Variants in FAM13B observed in about 807,000 individuals in gnomAD.
FAM13B encodes protein FAM13B.
A neutral mutation model predicts 117.3 loss-of-function variants in FAM13B; 60 were observed. That is an observed-to-expected ratio of 0.51 (90% CI 0.42 to 0.63). The LOEUF (loss-of-function observed/expected upper bound fraction) is 0.63. Ranked by LOEUF, FAM13B falls within the 30% of genes least tolerant of loss-of-function variation. The probability of loss-of-function intolerance (pLI) is 0.00; values close to 1 mark genes in which losing one functional copy is unlikely to be tolerated. For synonymous variants in FAM13B, 332 were observed against 356.1 expected (o/e 0.93, Z 0.76); for missense variants, 972 against 1,091.9 (o/e 0.89, Z 1.55).
intron 22 of FAM13B, chr5:137,942,563 A>G: frequency 3.4e-6 from 1 of 298,012 alleles, no homozygotes; most frequent in South Asian, 4.8e-5. Flanking sequence ...GGGTCCCACT[A>G]TATTGCCCAG....
At chr5:138,019,541 T>C (rs1000008103) in intron 2 of FAM13B, among the ~76,000 whole-genome samples, 1 of 152,218 alleles carries the variant, frequency 6.6e-6, no homozygotes, top group Admixed American at 6.5e-5. Flanking sequence ...AAAGCTCATC[T>C]AACCCCTCAA....
In FAM13B at chr5:137,959,818, G is replaced by A. The variant is rs76138262; in HGVS notation, c.1294-55C>T. The stretch of plus-strand genomic sequence containing the variant: ...CAACTACGGAAGCTTTTCACACCCA[G>A]CTTAAACACATCCAGCACATATCCA... On this transcript the variant is annotated intron_variant, in intron 12 of 23. Coordinates refer to ENST00000689681, the MANE Select transcript of FAM13B (RefSeq NM_001385994.1). The A allele has an allele frequency of 7.7e-3, 11,894 of 1,547,044 alleles. 65 individuals carry two copies. Among genetic ancestry groups the A allele is most frequent in the Non-Finnish European group, 9.3e-3 (10,497 of 1,128,678 alleles).
Position 138,033,075 on chromosome 5 carries a change from C to T in FAM13B, c.-496G>A, listed in dbSNP as rs1385211486. On this transcript the variant is annotated 5_prime_UTR_variant, in exon 1 of 24. Coordinates refer to ENST00000689681, the MANE Select transcript of FAM13B (RefSeq NM_001385994.1). ...TCCCTAACGGCGAGCGGGAGGAGAG[C>T]GGCTGGCGGGCGGAGGCCGGGCCGG... 3 of 971,818 alleles carry T rather than the reference C, an allele frequency of 3.1e-6. No individual in the cohort carries two copies. Among genetic ancestry groups the T allele is most frequent in the Non-Finnish European group, 3.6e-6 (3 of 826,228 alleles). 60.2% of individuals were successfully genotyped at this position (971,818 alleles called of 1,614,324 possible).
intron 10 of FAM13B, among the ~76,000 whole-genome samples, chr5:137,966,496 GA>G (rs1769959602): frequency 8.0e-6 from 1 of 124,688 alleles, no homozygotes; most frequent in Non-Finnish European, 1.7e-5. Context: ...TATAGAGAGA[GA>G]GAGAGAGAGA....
At chr5:137,981,390 G>T (rs896269336) in intron 10 of FAM13B, among the ~76,000 whole-genome samples, 2 of 152,072 alleles carry the variant, frequency 1.3e-5, no homozygotes, top group Non-Finnish European at 1.5e-5. Flanking sequence ...TGAGGTTACA[G>T]TGAGTATGAT....
intron 1 of FAM13B, chr5:138,039,184 A>G (rs1368910110): frequency 6.6e-6 from 1 of 152,226 alleles, no homozygotes; most frequent in Non-Finnish European, 1.5e-5. Context: ...TTTTTCCACA[A>G]TCAGAACTTT....
chr5:138,007,866 A>T (rs879832301), intron 6 of FAM13B, among the ~76,000 whole-genome samples: 1 of 152,246 alleles, frequency 6.6e-6, no homozygotes, highest in Non-Finnish European at 1.5e-5. Context: ...GTTATCCCAA[A>T]GAAGAAACTA....
chr5:138,006,993 G>A lies in FAM13B; in HGVS notation c.845C>T (p.Thr282Ile). The change falls in exon 7 of 24, where the codon ACA (threonine) becomes ATA (isoleucine). Residue 282 changes from threonine (T) to isoleucine (I), a missense_variant. By Grantham distance (89) the Thr-to-Ile change is moderately conservative. Coordinates refer to ENST00000689681, the MANE Select transcript of FAM13B (RefSeq NM_001385994.1). Reference protein sequence around the residue: ...NILESNSVTATSTHISPISIL... With the variant: ...NILESNSVTAISTHISPISIL... ...GTTCATTCAACTGAGCTATTACCTTGTTGCCGTAACACTATTTGATTCCAG... is the reference window on the plus strand; with the variant it reads ...GTTCATTCAACTGAGCTATTACCTTATTGCCGTAACACTATTTGATTCCAG... 1 of 1,601,916 alleles carries A rather than the reference G, an allele frequency of 6.2e-7. No individual in the cohort carries two copies. Among genetic ancestry groups the A allele is most frequent in the Non-Finnish European group, 8.5e-7 (1 of 1,176,718 alleles).
upstream of FAM13B, chr5:138,033,089 A>T: frequency 2.1e-6 from 2 of 940,834 alleles, no homozygotes; most frequent in Non-Finnish European, 2.5e-6. Flanking sequence ...TGGCGGGCGG[A>T]GGCCGGGCCG....
At chr5:138,034,995 C>CTTTTTTTTTTTTTTT, upstream of FAM13B, among the ~76,000 whole-genome samples, 366 of 34,376 alleles carry the variant, frequency 0.011, 137 homozygotes, top group East Asian at 0.049. Flanking sequence ...ATTCCCTTGC[C>CTTTTTTTTTTTTTTT]TTTTTTTTTT....
chr5:137,943,744 C>T (rs942424381), intron 20 of FAM13B, among the ~76,000 whole-genome samples: 4 of 148,852 alleles, frequency 2.7e-5, no homozygotes, highest in Admixed American at 1.3e-4. Flanking sequence ...GACTCTGCCT[C>T]AAAAAAAAAA....
intron 1 of FAM13B, among the ~76,000 whole-genome samples, chr5:138,046,093 T>G (rs1352778204): frequency 6.6e-6 from 1 of 152,200 alleles, no homozygotes; most frequent in African/African-American, 2.4e-5. Context: ...GTTCTCGTGA[T>G]AGTGAATAAG....
At chr5:137,997,132 T>C (rs1220946875) in intron 7 of FAM13B, among the ~76,000 whole-genome samples, 1 of 152,218 alleles carries the variant, frequency 6.6e-6, no homozygotes. Context: ...CTCTTCACAT[T>C]TTTTAAAGGT....
chr5:137,953,207 A>T, intron 16 of FAM13B, 129 bp downstream of exon 16: 1 of 984,386 alleles, frequency 1.0e-6, no homozygotes, highest in Non-Finnish European at 1.5e-6. Flanking sequence ...GATCTACATG[A>T]TCACTGTTCC....
At chr5:137,949,310 C>G (rs1764284628) in intron 17 of FAM13B, 126 bp from the exon 18 acceptor site, 1 of 725,702 alleles carries the variant, frequency 1.4e-6, no homozygotes, top group South Asian at 1.7e-5. Context: ...ATTTCAAAGC[C>G]AAATAAAACA....
chr5:137,942,218 T>C (rs1439663154), intron 22 of FAM13B, among the ~76,000 whole-genome samples, 173 bp from the exon 23 acceptor site: 1 of 152,236 alleles, frequency 6.6e-6, no homozygotes, highest in Middle Eastern at 3.2e-3. Context: ...CAAGCATCAG[T>C]ACTTTAAAAT....
intron 2 of FAM13B, among the ~76,000 whole-genome samples, chr5:138,019,359 T>C (rs1420981189): frequency 6.6e-6 from 1 of 152,254 alleles, no homozygotes; most frequent in Non-Finnish European, 1.5e-5. Flanking sequence ...ATGCTCCCTT[T>C]AGTGTTTGCA....
intron 10 of FAM13B, among the ~76,000 whole-genome samples, chr5:137,983,541 G>A (rs1440774610): frequency 6.6e-6 from 1 of 152,080 alleles, no homozygotes; most frequent in Non-Finnish European, 1.5e-5. Context: ...GAACTTGGAA[G>A]AAATAACAGT....
intron 4 of FAM13B, 113 bp downstream of exon 4, chr5:138,018,189 A>G: frequency 5.3e-6 from 5 of 940,354 alleles, no homozygotes; most frequent in Non-Finnish European, 7.9e-6. Context: ...TGAGAAAATA[A>G]CAAATTAATC....
Sources: gnomAD v4.1 joint callset for allele counts (sites outside exome capture counted in the v4.1 genomes callset) on GRCh38, gnomAD v4.1.1 for gene constraint, MANE v1.5 for transcripts, NCBI Gene and HGNC (gene_info 2026-07-23, HGNC 2026-07-21) for gene names.